Variants in EPC1 observed in about 807,000 individuals in gnomAD.
The protein encoded by EPC1 is enhancer of polycomb 1.
EPC1 carries 12 observed loss-of-function variants against 98.4 expected under a neutral mutation model. The observed-to-expected ratio is 0.12, with a 90% confidence interval of 0.08 to 0.20. The LOEUF is 0.20. Ranked by LOEUF, EPC1 falls within the 10% of genes least tolerant of loss-of-function variation. The pLI is 1.00. For missense variants in EPC1, 729 were observed against 990.5 expected, an observed-to-expected ratio of 0.74 and a Z score of 3.54; for synonymous variants, 357 against 363.9, an observed-to-expected ratio of 0.98 and a Z score of 0.21.
At chr10:32,314,043 A>T (rs1449267282) in intron 1 of EPC1, among the ~76,000 whole-genome samples, 1 of 152,180 alleles carries the variant, frequency 6.6e-6, no homozygotes, top group Non-Finnish European at 1.5e-5. Flanking sequence ...TTTCACAATT[A>T]ATTGCTGTAA....
intron 1 of EPC1, among the ~76,000 whole-genome samples, chr10:32,321,084 C>A (rs991978423): frequency 1.3e-5 from 2 of 151,928 alleles, no homozygotes; most frequent in Non-Finnish European, 2.9e-5. Context: ...ACTATGAAAT[C>A]TCAAAATGGA....
At chr10:32,354,766 C>G (rs1026613336) in intron 1 of EPC1, among the ~76,000 whole-genome samples, 6 of 152,098 alleles carry the variant, frequency 3.9e-5, no homozygotes, top group Non-Finnish European at 8.8e-5. Context: ...TATTTACAGC[C>G]AATCCCTAGT....
rs1162074777 is a variant in EPC1 at position 32,291,186 on chromosome 10, C to T, written c.952G>A (p.Val318Met). 1.9e-6 allele frequency: 3 copies of T among 1,613,580 alleles called. No homozygotes were observed. Among genetic ancestry groups the T allele is most frequent in the East Asian group, 2.2e-5 (1 of 44,880 alleles). The change falls in exon 6 of 14, where the codon GTG (valine) becomes ATG (methionine). Residue 318 changes from valine to methionine, a missense_variant. By Grantham distance (21) the Val-to-Met change is conservative (BLOSUM62 1). This residue lies in a region of EPC1 where 390 missense variants were observed against 438.6 expected (regional missense o/e 0.89). Transcript: ENST00000319778. ...ACCTTATTAACTTTGAACTCCTTCA[C>T]ATCCATTGCTTCCTGGTGTTTAAAT... ...SQFKHQEAMD[V>M]KEFKVNKQDK...
Position 32,318,958 on chromosome 10 carries a change from T to C in EPC1, c.154-13027A>G, listed in dbSNP as rs886588430. On this transcript the variant is annotated intron_variant, in intron 1 of 13. Transcript: ENST00000319778. ...GGGAAACAGGTCCTCATGACCTAGC[T>C]CTAGCTAATTCCTCCAGTTCAACAC... Among the ~76,000 whole-genome samples the C allele has an allele frequency of 3.9e-5, 6 of 152,310 alleles. 1 individual carries two copies. Among genetic ancestry groups the C allele is most frequent in the Admixed American group, 2.0e-4 (3 of 15,302 alleles).
At chr10:32,356,043 T>C (rs1839266276) in intron 1 of EPC1, among the ~76,000 whole-genome samples, 1 of 152,220 alleles carries the variant, frequency 6.6e-6, no homozygotes, top group Non-Finnish European at 1.5e-5. Context: ...AGAAAAATTG[T>C]TAATGAAGTA....
chr10:32,317,696 A>G (rs1376461996), intron 1 of EPC1, among the ~76,000 whole-genome samples: 1 of 152,154 alleles, frequency 6.6e-6, no homozygotes, highest in East Asian at 1.9e-4. Context: ...TATCTGAAAT[A>G]CTTGTGGTAA....
At chr10:32,366,077 G>A (rs1839596014) in intron 1 of EPC1, among the ~76,000 whole-genome samples, 1 of 152,138 alleles carries the variant, frequency 6.6e-6, no homozygotes, top group Non-Finnish European at 1.5e-5. Context: ...AGGTTGCAGT[G>A]AGCCGAGACC....
chr10:32,323,218 C>CT (rs1157499654), intron 1 of EPC1, among the ~76,000 whole-genome samples: 2 of 151,976 alleles, frequency 1.3e-5, no homozygotes, highest in Non-Finnish European at 2.9e-5. Context: ...GTTTTTCTTC[C>CT]TTTTCACCGA....
At chr10:32,292,901 ATAAAT>A (rs1834932486) in intron 4 of EPC1, 82 bp downstream of exon 4, 3 of 910,194 alleles carry the variant, frequency 3.3e-6, no homozygotes, top group South Asian at 4.7e-5. Context: ...ATATTTGAAT[ATAAAT>A]TAAACCACAG....
intron 1 of EPC1, among the ~76,000 whole-genome samples, chr10:32,311,081 C>A (rs1368109559): frequency 2.6e-5 from 4 of 152,030 alleles, no homozygotes; most frequent in Admixed American, 2.6e-4. Flanking sequence ...GAGGCCAAGG[C>A]GGGCGGATCA....
chr10:32,316,790 G>C (rs1836577843), intron 1 of EPC1, among the ~76,000 whole-genome samples: 1 of 152,180 alleles, frequency 6.6e-6, no homozygotes, highest in Non-Finnish European at 1.5e-5. Context: ...GAATCTCACT[G>C]CATGTCAATT....
chr10:32,318,620 C>G (rs1836696550), intron 1 of EPC1, among the ~76,000 whole-genome samples: 1 of 152,184 alleles, frequency 6.6e-6, no homozygotes, highest in Admixed American at 6.5e-5. Flanking sequence ...AAATCTGTTC[C>G]TCCTCCTGAC....
chr10:32,279,796 G>T (rs983855291), intron 10 of EPC1, among the ~76,000 whole-genome samples: 2 of 152,036 alleles, frequency 1.3e-5, no homozygotes, highest in Admixed American at 6.6e-5. Context: ...AGGTGCTTTT[G>T]TGAGTATTAA....
chr10:32,279,347 T>TAA (rs397972135), intron 10 of EPC1, among the ~76,000 whole-genome samples: 15 of 130,368 alleles, frequency 1.2e-4, no homozygotes, highest in African/African-American at 3.1e-4. Context: ...GACTCTGTCT[T>TAA]AAAAAAAAAA....
intron 1 of EPC1, among the ~76,000 whole-genome samples, chr10:32,323,863 T>A (rs1837091457): frequency 6.6e-6 from 1 of 152,224 alleles, no homozygotes; most frequent in South Asian, 2.1e-4. Context: ...GTCCATAAAG[T>A]CCTGGTGCAT....
intron 1 of EPC1, among the ~76,000 whole-genome samples, chr10:32,359,969 G>A (rs377685261): frequency 1.1e-4 from 16 of 151,380 alleles, no homozygotes; most frequent in African/African-American, 2.2e-4. Context: ...TGTATCATTC[G>A]TAGGTATATT....
chr10:32,347,036 A>C lies in EPC1; in HGVS notation c.-121T>G. ...GCCGGGGACTTGAGGGGCGGAGCGC[A>C]GAGCCCGCCGTCCGGGCACTAACAC... is the stretch of plus-strand genomic sequence containing the variant. On this transcript the variant is annotated 5_prime_UTR_variant, in exon 1 of 14. Transcript: ENST00000319778. 1 of 1,483,006 alleles carries C rather than the reference A, an allele frequency of 6.7e-7. No individual in the cohort carries two copies. Among genetic ancestry groups the C allele is most frequent in the East Asian group, 2.4e-5 (1 of 41,124 alleles). The allele number at this position is 1,483,006 out of a possible 1,614,324, so 91.9% of individuals were successfully genotyped here.
At chr10:32,378,444 G>C in intron 1 of EPC1, 2 of 1,486,188 alleles carry the variant, frequency 1.3e-6, no homozygotes, top group Non-Finnish European at 1.8e-6. Context: ...TTTTTAGCCG[G>C]TGGCTCTTTC....
chr10:32,328,062 CA>C (rs1837410775), intron 1 of EPC1, among the ~76,000 whole-genome samples: 1 of 4,116 alleles, frequency 2.4e-4, no homozygotes, highest in African/African-American at 2.5e-4. Flanking sequence ...GAGGCTTGCA[CA>C]GTTGGAAGAA....
Sources: gnomAD v4.1 joint callset for allele counts (sites outside exome capture counted in the v4.1 genomes callset) on GRCh38, gnomAD v4.1.1 for gene constraint, gnomAD v4.1.1 regional missense constraint, MANE v1.5 for transcripts, NCBI Gene and HGNC (gene_info 2026-07-23, HGNC 2026-07-21) for gene names.